Variants in DLG2 observed in about 807,000 individuals in gnomAD.
DLG2 encodes the protein disks large homolog 2.
Under a neutral mutation model 132.5 loss-of-function variants are expected in DLG2, and 45 were observed. The observed-to-expected ratio is 0.34, with a 90% confidence interval of 0.27 to 0.44. The LOEUF (loss-of-function observed/expected upper bound fraction) is 0.44, where lower values mean the gene tolerates loss of function less well. Ranked by LOEUF, DLG2 falls within the 20% of genes least tolerant of loss-of-function variation. The pLI is 1.00. For missense variants in DLG2, 1,045 were observed against 1,196.9 expected (o/e 0.87, Z 1.87); for synonymous variants, 424 against 419.6 (o/e 1.01, Z -0.13).
chr11:85,130,977 C>A (rs531269025), intron 5 of DLG2, among the ~76,000 whole-genome samples: 2 of 152,220 alleles, frequency 1.3e-5, no homozygotes, highest in East Asian at 3.9e-4. Flanking sequence ...TTATATACAT[C>A]ACTCTAGAAA....
At chr11:84,577,321 A>T (rs768901018) in intron 6 of DLG2, among the ~76,000 whole-genome samples, 1 of 152,208 alleles carries the variant, frequency 6.6e-6, no homozygotes, top group Non-Finnish European at 1.5e-5. Context: ...GAGCTGGCTA[A>T]CAGGCAGAGG....
At chr11:85,324,795 C>T (rs1339743174) in intron 3 of DLG2, among the ~76,000 whole-genome samples, 7 of 152,028 alleles carry the variant, frequency 4.6e-5, no homozygotes, top group Non-Finnish European at 8.8e-5. Flanking sequence ...GGAACAGCTC[C>T]GGTCTACAGC....
chr11:84,732,116 T>C (rs2063227922), intron 6 of DLG2, among the ~76,000 whole-genome samples: 1 of 152,098 alleles, frequency 6.6e-6, no homozygotes, highest in Admixed American at 6.6e-5. Context: ...TGCCAATAGT[T>C]TACTTCTTTT....
At chr11:84,841,174 C>T (rs528578861) in intron 6 of DLG2, among the ~76,000 whole-genome samples, 9 of 151,574 alleles carry the variant, frequency 5.9e-5, no homozygotes, top group East Asian at 5.8e-4. Flanking sequence ...ATATATGTTC[C>T]GTTATATAAG....
chr11:84,436,804 T>G (rs763746894), intron 7 of DLG2, among the ~76,000 whole-genome samples: 26 of 152,216 alleles, frequency 1.7e-4, no homozygotes, highest in Admixed American at 3.9e-4. Context: ...ATTCTTTAAA[T>G]GGCCACAACT....
chr11:83,731,717 T>G (rs764809754), intron 18 of DLG2, among the ~76,000 whole-genome samples: 2 of 152,214 alleles, frequency 1.3e-5, no homozygotes, highest in Non-Finnish European at 2.9e-5. Context: ...CACCACACTG[T>G]CTTCCACAAT....
At chr11:84,251,353 C>A (rs1257914419) in intron 7 of DLG2, 62 bp from the exon 8 acceptor site, 3 of 1,274,126 alleles carry the variant, frequency 2.4e-6, no homozygotes, top group Non-Finnish European at 3.2e-6. Context: ...CAGATTATTT[C>A]TGTTAACTTA....
At chr11:83,491,590 A>T (rs1226563440) in intron 21 of DLG2, among the ~76,000 whole-genome samples, 1 of 152,046 alleles carries the variant, frequency 6.6e-6, no homozygotes, top group African/African-American at 2.4e-5. Flanking sequence ...AAGCTCAGGT[A>T]ACCAAAGGGC....
intron 4 of DLG2, among the ~76,000 whole-genome samples, chr11:85,156,400 A>T (rs1023819780): frequency 6.6e-6 from 1 of 152,222 alleles, no homozygotes; most frequent in Non-Finnish European, 1.5e-5. Flanking sequence ...AGATTAAATT[A>T]GATGAAAAGT....
chr11:85,523,146 T>G (rs935986917), intron 3 of DLG2, among the ~76,000 whole-genome samples: 1 of 152,198 alleles, frequency 6.6e-6, no homozygotes, highest in Admixed American at 6.5e-5. Flanking sequence ...TGTGCTATTC[T>G]CATGACAATG....
chr11:84,543,631 A>ATT (rs2099383732), intron 6 of DLG2, among the ~76,000 whole-genome samples: 1 of 152,132 alleles, frequency 6.6e-6, no homozygotes, highest in African/African-American at 2.4e-5. Flanking sequence ...TTGAATAAGT[A>ATT]AGTACTTTGC....
At chr11:84,105,768 A>G (rs950576989) in intron 9 of DLG2, among the ~76,000 whole-genome samples, 16 of 152,158 alleles carry the variant, frequency 1.1e-4, no homozygotes, top group African/African-American at 3.9e-4. Context: ...ATAAATATTG[A>G]AATGGTATAT....
chr11:84,877,001 G>C (rs1378608606), intron 6 of DLG2, among the ~76,000 whole-genome samples: 1 of 152,170 alleles, frequency 6.6e-6, no homozygotes, highest in Non-Finnish European at 1.5e-5. Context: ...TTTTTTGAGT[G>C]AGTTTCTTAA....
intron 6 of DLG2, among the ~76,000 whole-genome samples, chr11:84,791,383 C>T (rs1197444797): frequency 6.6e-6 from 1 of 152,258 alleles, no homozygotes; most frequent in Admixed American, 6.5e-5. Context: ...AATGTGATTC[C>T]TCCAGTTTTG....
At chr11:84,304,331 G>T (rs1480893072) in intron 7 of DLG2, among the ~76,000 whole-genome samples, 2 of 152,200 alleles carry the variant, frequency 1.3e-5, no homozygotes, top group Non-Finnish European at 2.9e-5. Flanking sequence ...TAACCGCGAT[G>T]TAAGGCAATA....
chr11:84,953,139 C>T (rs1250604194), intron 6 of DLG2, among the ~76,000 whole-genome samples: 2 of 152,300 alleles, frequency 1.3e-5, no homozygotes, highest in African/African-American at 2.4e-5. Context: ...ATTGCCTCTA[C>T]AATTACCTCT....
At chr11:85,416,455 GA>G (rs1158781944) in intron 3 of DLG2, among the ~76,000 whole-genome samples, 1 of 152,114 alleles carries the variant, frequency 6.6e-6, no homozygotes, top group African/African-American at 2.4e-5. Context: ...AAAATTTAAA[GA>G]AGTTTTTTTT....
intron 6 of DLG2, among the ~76,000 whole-genome samples, chr11:84,846,917 C>CT (rs2081547227): frequency 6.6e-6 from 1 of 151,988 alleles, no homozygotes; most frequent in African/African-American, 2.4e-5. Context: ...AAGGCAAGCC[C>CT]TGAGACTACA....
chr11:85,617,447 C>CA (rs1411134602), intron 2 of DLG2, among the ~76,000 whole-genome samples: 1 of 152,218 alleles, frequency 6.6e-6, no homozygotes, highest in Non-Finnish European at 1.5e-5. Flanking sequence ...AACCTCACCA[C>CA]ACAGCATTGA....
Sources: allele counts gnomAD v4.1 joint callset (sites outside exome capture counted in the v4.1 genomes callset), GRCh38; gene constraint gnomAD v4.1.1; transcripts MANE v1.5; gene names NCBI Gene and HGNC (gene_info 2026-07-23, HGNC 2026-07-21).